NRG1: variants seen among roughly 807,000 people sequenced by gnomAD.
NRG1 encodes pro-neuregulin-1, membrane-bound isoform.
NRG1 carries 18 observed loss-of-function variants against 63.8 expected under a neutral mutation model. That is an observed-to-expected ratio of 0.28 (90% CI 0.19 to 0.42). NRG1 has a LOEUF of 0.42. Ranked by LOEUF, NRG1 falls within the 10% of genes least tolerant of loss-of-function variation. NRG1 has a pLI of 1.00. For missense variants in NRG1, 762 were observed against 814.7 expected, an observed-to-expected ratio of 0.94 and a Z score of 0.79; for synonymous variants, 302 against 301.3, an observed-to-expected ratio of 1.00 and a Z score of -0.02.
intron 1 of NRG1, among the ~76,000 whole-genome samples, chr8:31,745,719 A>G (rs1285167553): frequency 6.6e-6 from 1 of 151,924 alleles, no homozygotes; most frequent in Non-Finnish European, 1.5e-5. Context: ...CCTACCGCTT[A>G]TGCTTGCTGT....
chr8:31,985,277 T>C (rs752630643), intron 1 of NRG1, among the ~76,000 whole-genome samples: 77 of 152,218 alleles, frequency 5.1e-4, no homozygotes, highest in Non-Finnish European at 5.1e-4. Context: ...ATTCTAGTTC[T>C]ATGTTTGATT....
rs11408766 is a variant in NRG1 at position 32,659,146 on chromosome 8, C to CTTTT, written c.502+42274_502+42277dup. On this transcript the variant is annotated intron_variant, in intron 5 of 11. Coordinates refer to ENST00000356819, the Ensembl canonical transcript of NRG1. ...AGTAATAAATCTTTTCTTTTCTTTT[C>CTTTT]TTTTTTTTTTTTTTTTGAGACAGAG... Among the ~76,000 whole-genome samples, 54 of 136,026 alleles carry CTTTT rather than the reference C, an allele frequency of 4.0e-4. No individual in the cohort carries two copies. In the East Asian group the frequency reaches 6.4e-3, roughly 16 times the overall value. 89.2% of individuals were successfully genotyped at this position (136,026 alleles called of 152,430 possible).
chr8:31,717,995 G>C (rs1244583445), intron 1 of NRG1, among the ~76,000 whole-genome samples: 1 of 151,718 alleles, frequency 6.6e-6, no homozygotes, highest in African/African-American at 2.4e-5. Flanking sequence ...CTATATTCTA[G>C]TTTGGTTAAC....
At chr8:32,389,170 G>A (rs1275106468) in intron 1 of NRG1, among the ~76,000 whole-genome samples, 1 of 152,136 alleles carries the variant, frequency 6.6e-6, no homozygotes. Context: ...AAGAGTCACA[G>A]GTCCCAGGGG....
intron 1 of NRG1, among the ~76,000 whole-genome samples, chr8:32,469,861 T>G (rs1376034908): frequency 6.6e-6 from 1 of 152,076 alleles, no homozygotes; most frequent in African/African-American, 2.4e-5. Context: ...AGGACTTTTT[T>G]GTTTGTTTGT....
intron 1 of NRG1, among the ~76,000 whole-genome samples, chr8:32,508,397 T>C (rs1828795165): frequency 1.3e-5 from 2 of 151,486 alleles, no homozygotes; most frequent in Admixed American, 1.3e-4. Flanking sequence ...TTCAAGCAAT[T>C]CTCCTGCCTC....
At chr8:32,035,535 T>C (rs1009877400) in intron 1 of NRG1, among the ~76,000 whole-genome samples, 1 of 152,172 alleles carries the variant, frequency 6.6e-6, no homozygotes, top group African/African-American at 2.4e-5. Flanking sequence ...ATATTGACAG[T>C]GGGGTGTTAA....
At chr8:31,796,414 CTTTTTTTTTTTTTTTTTTTTT>C (rs1158508289) in intron 1 of NRG1, among the ~76,000 whole-genome samples, 3 of 43,376 alleles carry the variant, frequency 6.9e-5, no homozygotes, top group East Asian at 7.6e-4. Flanking sequence ...GGCGTATAAT[CTTTTTTTTTTTTTTTTTTTTT>C]TTTTTTTTTT....
intron 1 of NRG1, among the ~76,000 whole-genome samples, chr8:32,110,445 T>C (rs1403370846): frequency 6.6e-6 from 1 of 152,094 alleles, no homozygotes; most frequent in African/African-American, 2.4e-5. Context: ...CAGTGAGTAA[T>C]TGAAATCACC....
At position 31,934,364 on chromosome 8, in the gene NRG1, C is replaced by CAT. The variant is rs948618947; in HGVS notation, c.37+294942_37+294943dup. ...ACATATATATGTGTGTGTATATATA[C>CAT]ATATATATATCTTTCTCCCCCTACA... On this transcript the variant is annotated intron_variant, in intron 1 of 10. Transcript: ENST00000519301. 1.0e-4 allele frequency among the ~76,000 whole-genome samples: 15 copies of CAT among 143,822 alleles called. No homozygotes were observed. The East Asian group carries it at 3.0e-3, about 29-fold the overall frequency. The allele number at this position is 143,822 out of a possible 152,430, so 94.4% of individuals were successfully genotyped here. A position where few individuals can be genotyped will look rare whatever the true frequency, so the allele number is the denominator to read the frequency against.
rs1209567709 is a variant in NRG1 at position 32,285,393 on chromosome 8, A to C, written c.38-310435A>C. ...GCTCATTCACAGTCACAAACTAAAA[A>C]TCTCAGACAAGTCAAAAGCATACAA... On this transcript the variant is annotated intron_variant, in intron 1 of 10. Transcript: ENST00000519301. 5.3e-5 allele frequency among the ~76,000 whole-genome samples: 8 copies of C among 152,116 alleles called. 1 individual carries two copies. The East Asian group carries it at 1.5e-3, about 29-fold the overall frequency.
chr8:31,715,672 G>T (rs1812281307), intron 1 of NRG1, among the ~76,000 whole-genome samples: 1 of 151,992 alleles, frequency 6.6e-6, no homozygotes, highest in South Asian at 2.1e-4. Flanking sequence ...TTACTTTTAG[G>T]GAAGGAACTG....
At chr8:32,558,872 G>T (rs1835731757) in intron 1 of NRG1, among the ~76,000 whole-genome samples, 2 of 151,744 alleles carry the variant, frequency 1.3e-5, no homozygotes, top group African/African-American at 4.8e-5. Context: ...TTGAACTCAG[G>T]GATTCAAGAC....
At chr8:31,817,227 A>G (rs1374835722) in intron 1 of NRG1, among the ~76,000 whole-genome samples, 1 of 152,190 alleles carries the variant, frequency 6.6e-6, no homozygotes, top group Non-Finnish European at 1.5e-5. Flanking sequence ...TGTTCTCGCT[A>G]ATTTGAGCAC....
At chr8:31,643,506 C>G (rs1478635902) in intron 1 of NRG1, among the ~76,000 whole-genome samples, 1 of 152,154 alleles carries the variant, frequency 6.6e-6, no homozygotes, top group East Asian at 1.9e-4. Flanking sequence ...GGAATAATGT[C>G]GATAAAACAA....
chr8:32,390,964 T>A (rs1228030726), intron 1 of NRG1, among the ~76,000 whole-genome samples: 1 of 152,242 alleles, frequency 6.6e-6, no homozygotes, highest in Non-Finnish European at 1.5e-5. Context: ...TACTCCAAAG[T>A]ATCAAATATT....
chr8:31,705,820 A>G (rs1386197226), intron 1 of NRG1, among the ~76,000 whole-genome samples: 1 of 152,220 alleles, frequency 6.6e-6, no homozygotes, highest in Non-Finnish European at 1.5e-5. Flanking sequence ...AGAAAATCCC[A>G]CACTACTGTG....
intron 1 of NRG1, among the ~76,000 whole-genome samples, chr8:32,049,636 A>G (rs1482964032): frequency 1.3e-5 from 2 of 152,168 alleles, no homozygotes; most frequent in Non-Finnish European, 2.9e-5. Flanking sequence ...CTTGTAGTGT[A>G]GGAAATACAA....
In NRG1 at chr8:31,773,118, C is replaced by G. The variant is rs1023187361; in HGVS notation, c.37+133687C>G. On this transcript the variant is annotated intron_variant, in intron 1 of 10. Coordinates refer to the NRG1 transcript ENST00000519301. ...TGTTAAAAGTTTAGGGTTGTGGAACCTATTTTTATAGCAAGACAAACTTGC... is the reference window on the plus strand; with the variant it reads ...TGTTAAAAGTTTAGGGTTGTGGAACGTATTTTTATAGCAAGACAAACTTGC... 6.0e-4 allele frequency among the ~76,000 whole-genome samples: 92 copies of G among 152,120 alleles called. 1 individual carries two copies. Among genetic ancestry groups the G allele is most frequent in the Non-Finnish European group, 1.3e-3 (88 of 68,014 alleles).
Sources: gnomAD v4.1 joint callset for allele counts (sites outside exome capture counted in the v4.1 genomes callset) on GRCh38, gnomAD v4.1.1 for gene constraint, MANE v1.5 for transcripts, NCBI Gene and HGNC (gene_info 2026-07-23, HGNC 2026-07-21) for gene names.